Variants in ATP8B4 observed in about 807,000 individuals in gnomAD.
The protein encoded by ATP8B4 is ATPase phospholipid transporting 8B4 (putative).
ATP8B4 carries 133 observed loss-of-function variants against 145.6 expected under a neutral mutation model. The observed-to-expected ratio is 0.91, with a 90% confidence interval of 0.79 to 1.05. The LOEUF is 1.05. Ranked by LOEUF, ATP8B4 falls within the 50% of genes least tolerant of loss-of-function variation. ATP8B4 has a pLI of 0.00. For missense variants in ATP8B4, 1,458 were observed against 1,425.2 expected (o/e 1.02, Z -0.37); for synonymous variants, 507 against 492.9 (o/e 1.03, Z -0.38).
intron 1 of ATP8B4, among the ~76,000 whole-genome samples, chr15:50,178,378 C>A (rs2044794932): frequency 6.6e-6 from 1 of 152,028 alleles, no homozygotes; most frequent in East Asian, 1.9e-4. Flanking sequence ...TTCATATTTC[C>A]CTGTGGAATT....
intron 6 of ATP8B4, among the ~76,000 whole-genome samples, chr15:50,029,823 CTA>C (rs1237647172): frequency 6.6e-6 from 1 of 152,156 alleles, no homozygotes; most frequent in Non-Finnish European, 1.5e-5. Context: ...AGGGTGATTT[CTA>C]TGTTTTGTTT....
chr15:49,896,323 G>A (rs1385102212), intron 23 of ATP8B4: 1 of 152,126 alleles, frequency 6.6e-6, no homozygotes, highest in Admixed American at 6.5e-5. Flanking sequence ...CTTCCCAGAA[G>A]AAGGAAAAAA....
intron 1 of ATP8B4, among the ~76,000 whole-genome samples, chr15:50,177,232 G>C (rs373097731): frequency 2.6e-5 from 4 of 152,266 alleles, no homozygotes; most frequent in African/African-American, 9.6e-5. Flanking sequence ...CTGTGCATTA[G>C]GTGCCTCAAA....
chr15:50,065,944 T>C (rs901008317), intron 3 of ATP8B4, among the ~76,000 whole-genome samples: 14 of 151,468 alleles, frequency 9.2e-5, no homozygotes, highest in African/African-American at 3.4e-4. Flanking sequence ...CTTACCTAGA[T>C]TCTTTAATTA....
intron 23 of ATP8B4, chr15:49,896,012 T>G (rs1252319734): frequency 6.6e-6 from 1 of 152,196 alleles, no homozygotes; most frequent in South Asian, 2.1e-4. Flanking sequence ...TGTTCTTATG[T>G]GGAAGGAAAA....
upstream of ATP8B4, among the ~76,000 whole-genome samples, chr15:50,120,147 T>C (rs551894619): frequency 1.4e-3 from 207 of 152,184 alleles, 3 homozygotes; most frequent in Admixed American, 3.3e-3. Context: ...ATTTTAATCA[T>C]GTCTCTATAA....
intron 6 of ATP8B4, among the ~76,000 whole-genome samples, chr15:50,023,779 C>CAAAAAAA (rs60030651): frequency 9.9e-4 from 74 of 74,924 alleles, no homozygotes; most frequent in Non-Finnish European, 1.4e-3. Context: ...AGACCAAAGG[C>CAAAAAAA]AAAAAAAAAA....
chr15:49,960,894 A>G (rs1193143528), intron 14 of ATP8B4, among the ~76,000 whole-genome samples: 10 of 152,210 alleles, frequency 6.6e-5, no homozygotes, highest in Non-Finnish European at 1.3e-4. Flanking sequence ...GCACTTTGGG[A>G]GGCTGAGGCG....
At chr15:50,020,860 T>C (rs532054147) in intron 6 of ATP8B4, among the ~76,000 whole-genome samples, 1 of 152,362 alleles carries the variant, frequency 6.6e-6, no homozygotes, top group Non-Finnish European at 1.5e-5. Flanking sequence ...AATGGTAGTA[T>C]GGCTAAATAT....
intron 2 of ATP8B4, among the ~76,000 whole-genome samples, chr15:50,097,028 C>A (rs1217139967): frequency 2.6e-5 from 4 of 152,002 alleles, no homozygotes; most frequent in Non-Finnish European, 5.9e-5. Context: ...AAAACATGAT[C>A]CAATTTAAAA....
intron 5 of ATP8B4, among the ~76,000 whole-genome samples, chr15:50,043,818 T>A (rs1407619924): frequency 6.6e-6 from 1 of 151,454 alleles, no homozygotes; most frequent in Non-Finnish European, 1.5e-5. Context: ...CCGGGCGCGG[T>A]GGCGGGCGCC....
chr15:50,017,991 CT>C (rs35825862), intron 6 of ATP8B4, among the ~76,000 whole-genome samples: 66 of 140,226 alleles, frequency 4.7e-4, no homozygotes, highest in Non-Finnish European at 5.2e-4. Context: ...CTTTTTTTTT[CT>C]TTTTTTTTTT....
intron 23 of ATP8B4, among the ~76,000 whole-genome samples, chr15:49,893,848 T>C (rs1037854918): frequency 1.3e-5 from 2 of 152,242 alleles, no homozygotes; most frequent in African/African-American, 4.8e-5. Flanking sequence ...CTACTTCATA[T>C]GGTTATTGTA....
chr15:50,143,540 A>G (rs972529329), intron 1 of ATP8B4, among the ~76,000 whole-genome samples: 2 of 152,092 alleles, frequency 1.3e-5, no homozygotes, highest in African/African-American at 4.8e-5. Flanking sequence ...CTAACCTCAG[A>G]AGTAACATAT....
intron 14 of ATP8B4, among the ~76,000 whole-genome samples, chr15:49,951,147 G>A (rs1046497932): frequency 6.6e-6 from 1 of 152,220 alleles, no homozygotes; most frequent in Admixed American, 6.5e-5. Flanking sequence ...TAAGTGCCAT[G>A]TGGCACTAAG....
In ATP8B4 at chr15:49,879,744, C is replaced by T. The variant is rs117791308; in HGVS notation, c.2698-285G>A. On this transcript the variant is annotated intron_variant, in intron 23 of 27. Coordinates refer to ENST00000284509, the MANE Select transcript of ATP8B4 (RefSeq NM_024837.4). ...ATGCAGCAGTACCCCTAACATAGTG[C>T]GGGACACGTATGAGCCCCTGACCTT... is the stretch of plus-strand genomic sequence containing the variant. 1,976 of 250,728 alleles carry T rather than the reference C, an allele frequency of 7.9e-3. 10 individuals carry two copies. Among genetic ancestry groups the T allele is most frequent in the Middle Eastern group, 0.013 (11 of 856 alleles). 15.5% of individuals were successfully genotyped at this position (250,728 alleles called of 1,614,324 possible).
intron 2 of ATP8B4, among the ~76,000 whole-genome samples, chr15:50,090,024 A>G (rs960973732): frequency 1.3e-5 from 2 of 152,198 alleles, no homozygotes; most frequent in African/African-American, 4.8e-5. Flanking sequence ...ATGGAATACT[A>G]TGCAGCCATA....
intron 1 of ATP8B4, among the ~76,000 whole-genome samples, chr15:50,151,720 G>A (rs1208295414): frequency 1.6e-5 from 2 of 125,744 alleles, no homozygotes; most frequent in African/African-American, 3.1e-5. Context: ...CAGCCTAAGA[G>A]ACAGAGTGAG....
rs1248399151 is a variant in ATP8B4, at chr15:50,075,518, C to T, written c.29-1333G>A. On this transcript the variant is annotated intron_variant, in intron 2 of 27. Coordinates refer to ENST00000284509, the MANE Select transcript of ATP8B4 (RefSeq NM_024837.4). ...GGTGTTTTGTCTGTCCAGTAACCAC[C>T]TGCATGGTTTCCCTCTTGCCTATCT... 2.0e-5 allele frequency among the ~76,000 whole-genome samples: 3 copies of T among 152,178 alleles called. 1 individual carries two copies. The South Asian group carries it at 6.2e-4, about 32-fold the overall frequency.
Sources: allele counts gnomAD v4.1 joint callset (sites outside exome capture counted in the v4.1 genomes callset), GRCh38; gene constraint gnomAD v4.1.1; transcripts MANE v1.5; gene names NCBI Gene and HGNC (gene_info 2026-07-23, HGNC 2026-07-21).